Variants in UGT1A5 observed in about 807,000 individuals in gnomAD.
The protein encoded by UGT1A5 is UDP-glucuronosyltransferase 1A5.
In UGT1A5, 29 loss-of-function variants were observed where a neutral mutation model predicts 40.3. That is an observed-to-expected ratio of 0.72 (90% CI 0.54 to 0.98). The LOEUF (loss-of-function observed/expected upper bound fraction) is 0.98, where lower values mean the gene tolerates loss of function less well. UGT1A5 is among the 50% of genes least tolerant of loss of function. UGT1A5 has a pLI of 0.00. For missense variants in UGT1A5, 678 were observed against 677.9 expected, an observed-to-expected ratio of 1.00 and a Z score of 0.00; for synonymous variants, 257 against 262.5, an observed-to-expected ratio of 0.98 and a Z score of 0.20.
At chr2:233,768,494 T>A in intron 4 of UGT1A5, 55 bp downstream of exon 4, 1 of 1,575,098 alleles carries the variant, frequency 6.3e-7, no homozygotes, top group Non-Finnish European at 8.6e-7. Context: ...GATAAAATTG[T>A]TTCAAATATG....
chr2:233,771,639 T>G (rs1180975336), intron 4 of UGT1A5: 1 of 152,344 alleles, frequency 6.6e-6, no homozygotes, highest in African/African-American at 2.4e-5. Flanking sequence ...TTTATTTTAC[T>G]GTATGAAAAT....
chr2:233,745,111 T>C (rs1693017578), intron 1 of UGT1A5, among the ~76,000 whole-genome samples: 2 of 151,928 alleles, frequency 1.3e-5, no homozygotes, highest in African/African-American at 4.9e-5. Context: ...TTTAATCTGC[T>C]GTTGGCTGAA....
At position 233,735,860 on chromosome 2, in the gene UGT1A5, G is replaced by A. The variant is rs189938280; in HGVS notation, c.867+22002G>A. ...GCCCCCACTCTCTTCTGTCTTGTAG[G>A]GTTTCTGCAGAGAGATCTGCTGTTA... On this transcript the variant is annotated intron_variant, in intron 1 of 4. Coordinates refer to ENST00000373414, the MANE Select transcript of UGT1A5 (RefSeq NM_019078.2). Among the ~76,000 whole-genome samples the A allele has an allele frequency of 7.9e-5, 12 of 151,742 alleles. No individual in the cohort carries two copies. The East Asian group carries it at 1.9e-3, about 24-fold the overall frequency.
chr2:233,731,467 G>C (rs1024241459), intron 1 of UGT1A5, among the ~76,000 whole-genome samples: 1 of 152,074 alleles, frequency 6.6e-6, no homozygotes, highest in Admixed American at 6.5e-5. Context: ...CCTGGCGTGT[G>C]ATGTTCCCTG....
chr2:233,729,216 G>C, intron 1 of UGT1A5: 1 of 1,614,144 alleles, frequency 6.2e-7, no homozygotes, highest in Non-Finnish European at 8.5e-7. Flanking sequence ...AGAGTGGAAA[G>C]GTGTTGGTGG....
Position 233,745,045 on chromosome 2 carries a change from G to C in UGT1A5, c.868-21989G>C, listed in dbSNP as rs1692994086. Among the ~76,000 whole-genome samples the C allele has an allele frequency of 2.0e-5, 3 of 151,744 alleles. No homozygotes were observed. In the South Asian group the frequency reaches 6.2e-4, roughly 32 times the overall value. ...ATGTAAATAGTTGTTTTACAGTATT[G>C]GTTTTTTATTTGTATTATTTGTATT... On this transcript the variant is annotated intron_variant, in intron 1 of 4. Coordinates refer to ENST00000373414, the MANE Select transcript of UGT1A5 (RefSeq NM_019078.2).
intron 1 of UGT1A5, chr2:233,740,604 A>T (rs537335169): frequency 3.9e-5 from 6 of 151,968 alleles, no homozygotes; most frequent in Non-Finnish European, 5.9e-5. Flanking sequence ...ACAGGTCTCC[A>T]GGTCTCTTGG....
At chr2:233,753,441 T>A (rs1695206490) in intron 1 of UGT1A5, 2 of 152,230 alleles carry the variant, frequency 1.3e-5, no homozygotes, top group African/African-American at 4.8e-5. Flanking sequence ...GTTAATGATG[T>A]GTTCAGGCCA....
chr2:233,760,275 G>C (rs2125981686), intron 1 of UGT1A5: 1 of 1,612,542 alleles, frequency 6.2e-7, no homozygotes, highest in African/African-American at 1.3e-5. Context: ...CCTCTGGCAG[G>C]AGCAAAGGCG....
chr2:233,755,835 G>A (rs1438571974), intron 1 of UGT1A5: 4 of 152,284 alleles, frequency 2.6e-5, no homozygotes, highest in Non-Finnish European at 5.9e-5. Context: ...TATTCATTGG[G>A]CAATTTAAGA....
rs747062491 is a variant in UGT1A5 at position 233,767,878 on chromosome 2, A to T, written c.1029A>T (p.Pro343=). The change falls in exon 3 of 5, where the codon CCA becomes CCT. Residue 343 remains proline, a synonymous_variant. Coordinates refer to ENST00000373414, the MANE Select transcript of UGT1A5 (RefSeq NM_019078.2). ...TGTGGCGGTACACTGGAACCCGACC[A>T]TCGAATCTTGCGAACAACACGATAC... ...TVLWRYTGTR[P]SNLANNTILV... The T allele has an allele frequency of 2.0e-4, 328 of 1,614,032 alleles. No individual in the cohort carries two copies. Among genetic ancestry groups the T allele is most frequent in the Non-Finnish European group, 2.7e-4 (318 of 1,180,042 alleles).
At chr2:233,735,180 T>C (rs1028765761) in intron 1 of UGT1A5, among the ~76,000 whole-genome samples, 1 of 148,186 alleles carries the variant, frequency 6.7e-6, no homozygotes, top group Non-Finnish European at 1.5e-5. Flanking sequence ...AGAACTTGCT[T>C]TATGAATCTA....
intron 1 of UGT1A5, among the ~76,000 whole-genome samples, chr2:233,748,454 G>C (rs780753495): frequency 1.7e-4 from 26 of 151,822 alleles, no homozygotes; most frequent in Non-Finnish European, 3.7e-4. Flanking sequence ...ATTTTCAGGG[G>C]AAAGATGATG....
intron 4 of UGT1A5, chr2:233,770,766 A>G (rs1416026522): frequency 6.6e-6 from 1 of 152,230 alleles, no homozygotes; most frequent in Non-Finnish European, 1.5e-5. Context: ...TTACATTATA[A>G]TAATGTTTCC....
chr2:233,755,827 T>C (rs1696034290), intron 1 of UGT1A5: 1 of 152,236 alleles, frequency 6.6e-6, no homozygotes, highest in Admixed American at 6.5e-5. Flanking sequence ...AAAAGACATA[T>C]TCATTGGGCA....
intron 1 of UGT1A5, chr2:233,719,063 T>C (rs780981964): frequency 1.1e-4 from 178 of 1,614,270 alleles, no homozygotes; most frequent in East Asian, 3.6e-4. Flanking sequence ...CAGCCTATGC[T>C]GTTCCATGGA....
intron 1 of UGT1A5, among the ~76,000 whole-genome samples, chr2:233,762,822 C>T (rs1698173721): frequency 6.6e-6 from 1 of 150,904 alleles, no homozygotes; most frequent in African/African-American, 2.4e-5. Flanking sequence ...TATTGATTTT[C>T]ATAATAAAAA....
chr2:233,772,707 C>G lies in UGT1A5; in HGVS notation c.*148C>G, dbSNP rs1471091659. 6.8e-7 allele frequency: 1 copy of G among 1,472,874 alleles called. No homozygotes were observed. Among genetic ancestry groups the G allele is most frequent in the African/African-American group, 1.4e-5 (1 of 70,352 alleles). The allele number at this position is 1,472,874 out of a possible 1,614,324, so 91.2% of individuals were successfully genotyped here. The stretch of plus-strand genomic sequence containing the variant: ...GCCCCAGAGTGCTTTAAAAAATTCT[C>G]TTAAATAAAAATAATAGACTCGCTA... On this transcript the variant is annotated 3_prime_UTR_variant, in exon 5 of 5. Coordinates refer to ENST00000373414, the MANE Select transcript of UGT1A5 (RefSeq NM_019078.2).
chr2:233,730,058 A>C, intron 1 of UGT1A5: 3 of 1,611,656 alleles, frequency 1.9e-6, no homozygotes, highest in Non-Finnish European at 2.5e-6. Context: ...AAATGTATTT[A>C]TTTAAAATTG....
Sources: allele counts gnomAD v4.1 joint callset (sites outside exome capture counted in the v4.1 genomes callset), GRCh38; gene constraint gnomAD v4.1.1; transcripts MANE v1.5; gene names NCBI Gene and HGNC (gene_info 2026-07-23, HGNC 2026-07-21).